PLXDC2: variants seen among roughly 807,000 people sequenced by gnomAD.
The protein encoded by PLXDC2 is plexin domain-containing protein 2.
Under a neutral mutation model 68.9 loss-of-function variants are expected in PLXDC2, and 40 were observed. The ratio of observed to expected loss-of-function variants is 0.58; its 90% CI spans 0.45 to 0.76. PLXDC2 has a LOEUF of 0.76. Among genes scored for constraint, PLXDC2 ranks in the 30% least tolerant of loss-of-function variants. The pLI, the probability that PLXDC2 is intolerant of heterozygous loss-of-function variation, is 0.00. For synonymous variants in PLXDC2, 243 were observed against 234.2 expected, an observed-to-expected ratio of 1.04 and a Z score of -0.34; for missense variants, 644 against 661.9, an observed-to-expected ratio of 0.97 and a Z score of 0.30.
intron 4 of PLXDC2, among the ~76,000 whole-genome samples, chr10:20,077,247 A>G (rs968604432): frequency 1.6e-4 from 24 of 152,148 alleles, no homozygotes; most frequent in Admixed American, 5.9e-4. Context: ...ATGTTAGTCC[A>G]ATTTCTATGT....
chr10:20,148,983 AT>A (rs1834114762), intron 6 of PLXDC2, among the ~76,000 whole-genome samples: 1 of 152,020 alleles, frequency 6.6e-6, no homozygotes, highest in Non-Finnish European at 1.5e-5. Context: ...TTTTAATGAA[AT>A]TTTTCATTTA....
At chr10:20,179,242 C>A (rs987086918) in intron 9 of PLXDC2, among the ~76,000 whole-genome samples, 5 of 152,090 alleles carry the variant, frequency 3.3e-5, no homozygotes, top group Non-Finnish European at 2.9e-5. Flanking sequence ...GGGCAAGCCG[C>A]CATCATTAGC....
Position 20,147,811 on chromosome 10 carries a change from A to G in PLXDC2, c.692A>G (p.His231Arg). Residue 231 changes from histidine to arginine, a missense_variant, in exon 6 of 14, where the codon CAT (histidine) becomes CGT (arginine). Coordinates refer to ENST00000377252, the MANE Select transcript of PLXDC2 (RefSeq NM_032812.9). Reference sequence around the variant, plus strand: ...ACAGCACTTGTGGTCCAGTGGGACCATGTACATCTCCAGGATAATTATAAC... The same window carrying G: ...ACAGCACTTGTGGTCCAGTGGGACCGTGTACATCTCCAGGATAATTATAAC... ...NGTALVVQWD[H>R]VHLQDNYNLG... 3 of 1,613,046 alleles carry G rather than the reference A, an allele frequency of 1.9e-6. No individual in the cohort carries two copies. Among genetic ancestry groups the G allele is most frequent in the Non-Finnish European group, 2.5e-6 (3 of 1,179,064 alleles).
chr10:19,865,394 A>G (rs1349164386), intron 1 of PLXDC2, among the ~76,000 whole-genome samples: 1 of 152,198 alleles, frequency 6.6e-6, no homozygotes, highest in East Asian at 1.9e-4. Context: ...CTACATGACA[A>G]TGGTAGAGTT....
chr10:19,833,332 C>A (rs11011641), intron 1 of PLXDC2, among the ~76,000 whole-genome samples: 1 of 152,294 alleles, frequency 6.6e-6, no homozygotes, highest in South Asian at 2.1e-4. Flanking sequence ...TGCAGCAGTG[C>A]TGCAATTAAC....
In PLXDC2 at chr10:20,283,503, C is replaced by G. The variant is rs1209968035; in HGVS notation, c.*3684C>G. On this transcript the variant is annotated 3_prime_UTR_variant, in exon 14 of 14. Transcript: ENST00000377252. ...GCGTTCAAAGGTAATCAGTTCATCA[C>G]GTATCTTGAGAAAAAGAGAATGCAT... 6.6e-6 allele frequency: 1 copy of G among 152,184 alleles called. No homozygotes were observed. The highest frequency in any genetic ancestry group is 1.5e-5 in the Non-Finnish European group (1 of 68,028). The allele number at this position is 152,184 out of a possible 1,614,324, so 9.4% of individuals were successfully genotyped here. A position where few individuals can be genotyped will look rare whatever the true frequency, so the allele number is the denominator to read the frequency against.
chr10:20,278,383 C>T (rs1165323977), intron 13 of PLXDC2, among the ~76,000 whole-genome samples: 1 of 152,096 alleles, frequency 6.6e-6, no homozygotes, highest in Non-Finnish European at 1.5e-5. Flanking sequence ...AGTTGTGGTA[C>T]CCACCTCCCT....
In PLXDC2 at chr10:20,123,201, G is replaced by A. The variant is rs980501874; in HGVS notation, c.542-20094G>A. Among the ~76,000 whole-genome samples the A allele has an allele frequency of 3.3e-5, 5 of 152,074 alleles. No homozygotes were observed. In the South Asian group the frequency reaches 6.2e-4, roughly 19 times the overall value. The stretch of plus-strand genomic sequence containing the variant: ...CTGAGGAAGAATTGGGACCTAGCTC[G>A]GCCTGGCGAGGAGCAGCCTGGGGAG... On this transcript the variant is annotated intron_variant, in intron 4 of 13. Transcript: ENST00000377252.
At chr10:20,186,577 C>T (rs115268070) in intron 9 of PLXDC2, among the ~76,000 whole-genome samples, 232 of 152,026 alleles carry the variant, frequency 1.5e-3, no homozygotes, top group African/African-American at 5.3e-3. Context: ...ACCCTCCGCC[C>T]TCTGGTAGGC....
intron 13 of PLXDC2, among the ~76,000 whole-genome samples, chr10:20,270,384 CT>C (rs879719103): frequency 1.4e-4 from 22 of 152,114 alleles, no homozygotes; most frequent in Admixed American, 2.0e-4. Flanking sequence ...GTTAGGATGA[CT>C]GAGATTCCAA....
intron 7 of PLXDC2, among the ~76,000 whole-genome samples, chr10:20,171,856 T>C (rs545635476): frequency 6.6e-6 from 1 of 152,206 alleles, no homozygotes; most frequent in East Asian, 1.9e-4. Context: ...GTGCCTGTAA[T>C]CTCAGCATTT....
intron 2 of PLXDC2, among the ~76,000 whole-genome samples, chr10:20,013,890 A>G (rs1356518866): frequency 6.6e-6 from 1 of 152,184 alleles, no homozygotes; most frequent in Non-Finnish European, 1.5e-5. Flanking sequence ...TCAGAATAGA[A>G]GAGTGTCACA....
intron 1 of PLXDC2, among the ~76,000 whole-genome samples, chr10:19,976,245 A>C (rs986335831): frequency 2.6e-5 from 4 of 151,598 alleles, no homozygotes; most frequent in Non-Finnish European, 5.9e-5. Context: ...ACAGAGTCTC[A>C]CTCTGTCACC....
chr10:20,237,315 T>C (rs1053098232), intron 12 of PLXDC2, among the ~76,000 whole-genome samples: 1 of 152,142 alleles, frequency 6.6e-6, no homozygotes, highest in South Asian at 2.1e-4. Flanking sequence ...ACTCCAATAC[T>C]GGAATAATAT....
chr10:20,147,952 TG>T, intron 6 of PLXDC2, 50 bp downstream of exon 6: 1 of 1,265,772 alleles, frequency 7.9e-7, no homozygotes, highest in East Asian at 2.3e-5. Flanking sequence ...TCTTGACTGC[TG>T]CCTTTCCTCC....
chr10:20,099,504 C>T (rs1396691133), intron 4 of PLXDC2, among the ~76,000 whole-genome samples: 1 of 152,192 alleles, frequency 6.6e-6, no homozygotes, highest in Non-Finnish European at 1.5e-5. Context: ...TTCCCATCCA[C>T]TTCTCACAGA....
chr10:19,827,964 T>TA (rs936270446), intron 1 of PLXDC2, among the ~76,000 whole-genome samples: 1 of 152,230 alleles, frequency 6.6e-6, no homozygotes, highest in Non-Finnish European at 1.5e-5. Flanking sequence ...ATCATCAGAC[T>TA]AACCATACAT....
At chr10:20,089,534 TAGG>T (rs1833249228) in intron 4 of PLXDC2, among the ~76,000 whole-genome samples, 1 of 152,130 alleles carries the variant, frequency 6.6e-6, no homozygotes, top group South Asian at 2.1e-4. Flanking sequence ...TCCTTGATAT[TAGG>T]AGAAGGTTAA....
intron 6 of PLXDC2, among the ~76,000 whole-genome samples, chr10:20,152,927 G>C (rs551135001): frequency 4.2e-4 from 64 of 152,240 alleles, no homozygotes; most frequent in African/African-American, 1.5e-3. Flanking sequence ...AGTTGGTACA[G>C]AACAGATAAC....
Sources: gnomAD v4.1 joint callset for allele counts (sites outside exome capture counted in the v4.1 genomes callset) on GRCh38, gnomAD v4.1.1 for gene constraint, MANE v1.5 for transcripts, NCBI Gene and HGNC (gene_info 2026-07-23, HGNC 2026-07-21) for gene names.